CCDC18: variants seen among roughly 807,000 people sequenced by gnomAD.
The protein encoded by CCDC18 is coiled-coil domain-containing protein 18.
A neutral mutation model predicts 196.0 loss-of-function variants in CCDC18; 157 were observed. The observed-to-expected ratio is 0.80, with a 90% CI of 0.70 to 0.91. The LOEUF is 0.91. Among genes scored for constraint, CCDC18 ranks in the 40% least tolerant of loss-of-function variants. CCDC18 has a pLI of 0.00. For missense variants in CCDC18, 1,465 were observed against 1,611.6 expected (o/e 0.91, Z 1.56); for synonymous variants, 482 against 529.2 (o/e 0.91, Z 1.22).
At chr1:93,234,210 G>A (rs1659688267) in intron 18 of CCDC18, among the ~76,000 whole-genome samples, 2 of 151,630 alleles carry the variant, frequency 1.3e-5, no homozygotes, top group Non-Finnish European at 2.9e-5. Flanking sequence ...TCGCCAGGCT[G>A]GAGTGCAGTG....
chr1:93,241,682 A>G (rs1416924291), intron 21 of CCDC18, among the ~76,000 whole-genome samples: 1 of 142,106 alleles, frequency 7.0e-6, no homozygotes, highest in Admixed American at 7.5e-5. Flanking sequence ...AGAATGAGCC[A>G]TGATCCATTC....
At position 93,217,786 on chromosome 1, in the gene CCDC18, C is replaced by G; in HGVS notation, c.1879C>G (p.His627Asp). ...RSLETNINTE[H>D]EKICLAFEKA... is the part of the protein sequence containing the mutation. ...TCTAGAAACCAATATTAATACAGAG[C>G]ATGAGAAAATTTGTTTAGCCTTTGA... The change falls in exon 14 of 29, where the codon CAT becomes GAT. Residue 627 changes from histidine to aspartate, a missense_variant. Transcript: ENST00000690025. 6.2e-7 allele frequency: 1 copy of G among 1,608,234 alleles called. No individual in the cohort carries two copies. The highest frequency in any genetic ancestry group is 8.5e-7 in the Non-Finnish European group (1 of 1,174,904).
At chr1:93,198,181 T>C (rs191835627) in intron 6 of CCDC18, among the ~76,000 whole-genome samples, 1 of 152,344 alleles carries the variant, frequency 6.6e-6, no homozygotes, top group East Asian at 1.9e-4. Context: ...ACTTAGTCCC[T>C]GTATTAAAAG....
In CCDC18 at chr1:93,272,459, A is replaced by T. The variant is rs148663570; in HGVS notation, c.4353+1645A>T. Among the ~76,000 whole-genome samples the T allele has an allele frequency of 1.7e-3, 264 of 152,282 alleles. 8 individuals are homozygous for T. The East Asian group carries it at 0.047, about 27-fold the overall frequency. On this transcript the variant is annotated intron_variant, in intron 28 of 28. Transcript: ENST00000690025. ...TTAGCACCCAAGAAGTTAAAGATTC[A>T]GTAAAGGTAACTGAGAAGTAATCAG...
chr1:93,273,289 C>T (rs539480462), intron 28 of CCDC18, among the ~76,000 whole-genome samples: 4 of 152,110 alleles, frequency 2.6e-5, no homozygotes, highest in Non-Finnish European at 4.4e-5. Flanking sequence ...AGGATGGTCT[C>T]GATCTCCTGA....
chr1:93,230,022 A>G (rs485622), intron 17 of CCDC18, among the ~76,000 whole-genome samples: 29,858 of 151,592 alleles, frequency 0.2, 3,382 homozygotes, highest in African/African-American at 0.3. Context: ...TTAAGCAACA[A>G]TTATGAGACT....
At chr1:93,274,614 C>T (rs1160582861) in intron 28 of CCDC18, among the ~76,000 whole-genome samples, 3 of 151,820 alleles carry the variant, frequency 2.0e-5, no homozygotes, top group Non-Finnish European at 2.9e-5. Context: ...GGAGGCCAAG[C>T]AGGAGGATTA....
In CCDC18 at chr1:93,232,522, C is replaced by A. The variant is rs756182145; in HGVS notation, c.2389C>A (p.Gln797Lys). 1.2e-6 allele frequency: 2 copies of A among 1,612,752 alleles called. No homozygotes were observed. Among genetic ancestry groups the A allele is most frequent in the South Asian group, 2.2e-5 (2 of 90,972 alleles). The change falls in exon 18 of 29, where the codon CAG becomes AAG. Residue 797 changes from glutamine to lysine, a missense_variant. Transcript: ENST00000690025. ...VILQHTLQQQ[Q>K]QMLQQETIRN... ...TCTACAGCATACTCTTCAGCAACAG[C>A]AGCAAATGTTACAACAAGAGACAAT...
intron 10 of CCDC18, among the ~76,000 whole-genome samples, 195 bp from the exon 11 acceptor site, chr1:93,211,906 C>T (rs1002074415): frequency 6.6e-6 from 1 of 152,040 alleles, no homozygotes; most frequent in Non-Finnish European, 1.5e-5. Context: ...TACTAAATAC[C>T]ATCAAGTTTG....
Position 93,264,782 on chromosome 1 carries a change from C to CAGTT in CCDC18, c.3769_3772dup (p.Glu1258ValfsTer25). On this transcript the variant is annotated frameshift_variant, in exon 27 of 29. Coordinates refer to ENST00000690025, the MANE Select transcript of CCDC18 (RefSeq NM_001378204.1). LOFTEE classifies it high-confidence loss of function. Reference sequence around the variant, plus strand: ...GTCTTCTGTTCAGCAACTAAACGAACAGTTAGAGAAGGCAAAATTGGAATT... The same window carrying CAGTT: ...GTCTTCTGTTCAGCAACTAAACGAACAGTTAGTTAGAGAAGGCAAAATTGGAATT... The CAGTT allele has an allele frequency of 6.2e-7, 1 of 1,612,780 alleles. No homozygotes were observed. The highest frequency in any genetic ancestry group is 8.5e-7 in the Non-Finnish European group (1 of 1,179,114).
chr1:93,227,654 T>C (rs1658586397), intron 17 of CCDC18, among the ~76,000 whole-genome samples: 1 of 152,028 alleles, frequency 6.6e-6, no homozygotes, highest in Admixed American at 6.6e-5. Flanking sequence ...CAATGAATCT[T>C]CATCAAGGTT....
In CCDC18 at chr1:93,207,409, G is replaced by A. The variant is rs776356412; in HGVS notation, c.1209+11G>A. 1 of 1,534,428 alleles carries A rather than the reference G, an allele frequency of 6.5e-7. No homozygotes were observed. On this transcript the variant is annotated intron_variant, in intron 9 of 28. Transcript: ENST00000690025. Reference sequence around the variant, plus strand: ...ATATCCCAGTTGCCAGTAAGTATGTGTGATTACGTAATGGAAAAGAAGAAT... The same window carrying A: ...ATATCCCAGTTGCCAGTAAGTATGTATGATTACGTAATGGAAAAGAAGAAT...
chr1:93,265,749 C>T (rs1359039150), intron 27 of CCDC18, among the ~76,000 whole-genome samples: 1 of 152,114 alleles, frequency 6.6e-6, no homozygotes, highest in Non-Finnish European at 1.5e-5. Flanking sequence ...GCTAACTGTC[C>T]TAAATATATA....
intron 1 of CCDC18, among the ~76,000 whole-genome samples, chr1:93,181,077 G>A (rs1343960776): frequency 6.6e-6 from 1 of 151,344 alleles, no homozygotes; most frequent in Non-Finnish European, 1.5e-5. Flanking sequence ...AGCACTTTGG[G>A]ATGTCGAGGC....
chr1:93,180,426 C>T (rs962400190), upstream of CCDC18: 15 of 1,280,818 alleles, frequency 1.2e-5, no homozygotes, highest in Non-Finnish European at 1.6e-5. Context: ...AGGGTAGGGA[C>T]TCTGGGCGGG....
chr1:93,182,480 A>G (rs1243726616), intron 1 of CCDC18, among the ~76,000 whole-genome samples: 1 of 152,202 alleles, frequency 6.6e-6, no homozygotes, highest in African/African-American at 2.4e-5. Context: ...TACAGTGAAA[A>G]AGGTAAATGG....
intron 25 of CCDC18, among the ~76,000 whole-genome samples, chr1:93,257,766 T>C (rs1212363744): frequency 6.6e-6 from 1 of 152,118 alleles, no homozygotes; most frequent in African/African-American, 2.4e-5. Flanking sequence ...ACAATTGGTT[T>C]TTATTTGATA....
chr1:93,276,669 A>G (rs1170311836), intron 28 of CCDC18, among the ~76,000 whole-genome samples: 1 of 152,174 alleles, frequency 6.6e-6, no homozygotes, highest in Admixed American at 6.5e-5. Context: ...TCACACCCTC[A>G]GTAAAGATGA....
intron 21 of CCDC18, among the ~76,000 whole-genome samples, chr1:93,243,222 T>C (rs1661055905): frequency 6.6e-6 from 1 of 152,226 alleles, no homozygotes; most frequent in Non-Finnish European, 1.5e-5. Flanking sequence ...TCCTCTGAAA[T>C]CTAGGTGGAG....
Sources: allele counts gnomAD v4.1 joint callset (sites outside exome capture counted in the v4.1 genomes callset), GRCh38; gene constraint gnomAD v4.1.1; transcripts MANE v1.5; gene names NCBI Gene and HGNC (gene_info 2026-07-23, HGNC 2026-07-21).